SYN1: variants seen among roughly 807,000 people sequenced by gnomAD.
SYN1 encodes synapsin-1.
In SYN1, 8 loss-of-function variants were observed where a neutral mutation model predicts 44.6. The observed-to-expected ratio is 0.18, with a 90% CI of 0.11 to 0.32. The LOEUF (loss-of-function observed/expected upper bound fraction) is 0.32, where lower values mean the gene tolerates loss of function less well. Among genes scored for constraint, SYN1 ranks in the 10% least tolerant of loss-of-function variants. The pLI is 1.00. For synonymous variants in SYN1, 275 were observed against 280.1 expected (o/e 0.98, Z 0.18); for missense variants, 451 against 639.4 (o/e 0.71, Z 3.18).
chrX:47,579,637 C>T (rs1312063254), intron 5 of SYN1, among the ~76,000 whole-genome samples: 1 of 110,944 alleles, frequency 9.0e-6, no homozygotes, highest in Non-Finnish European at 1.9e-5. Flanking sequence ...CTCATGTAAA[C>T]AGTCGGCAAC....
At chrX:47,586,301 C>T in intron 5 of SYN1, 3 of 754,609 alleles carry the variant, frequency 4.0e-6, no homozygotes, top group Non-Finnish European at 4.7e-6. Context: ...GGGCCTATTC[C>T]CCAGCCACCA....
At chrX:47,586,139 T>C (rs940915834) in intron 5 of SYN1, 6 of 942,825 alleles carry the variant, frequency 6.4e-6, no homozygotes, top group Non-Finnish European at 6.6e-6. Context: ...TGGCTCCTGA[T>C]GGCCTCTGAG....
chrX:47,607,908 T>C (rs1415474486), intron 1 of SYN1, among the ~76,000 whole-genome samples: 1 of 110,945 alleles, frequency 9.0e-6, no homozygotes, highest in Non-Finnish European at 1.9e-5. Context: ...TGCATGCCTG[T>C]ATTCCCAGCT....
chrX:47,609,984 T>A (rs1443640899), intron 1 of SYN1, among the ~76,000 whole-genome samples: 1 of 111,627 alleles, frequency 9.0e-6, no homozygotes, highest in African/African-American at 3.3e-5. Flanking sequence ...TTGAGTGATG[T>A]CAGGGAAATG....
chrX:47,613,512 C>A (rs774435639), intron 1 of SYN1, among the ~76,000 whole-genome samples: 1 of 111,450 alleles, frequency 9.0e-6, no homozygotes, highest in Admixed American at 9.6e-5. Context: ...GAACAGTAAT[C>A]GATTTTGACT....
intron 1 of SYN1, among the ~76,000 whole-genome samples, chrX:47,608,250 G>A (rs1245964450): frequency 3.0e-4 from 2 of 6,640 alleles, no homozygotes; most frequent in African/African-American, 9.5e-4. Context: ...AAGGAAGGAA[G>A]GAAGGAAGGA....
chrX:47,612,133 G>A (rs1603074979), intron 1 of SYN1, among the ~76,000 whole-genome samples: 1 of 111,473 alleles, frequency 9.0e-6, no homozygotes, highest in East Asian at 2.8e-4. Context: ...TGTCAGTAGT[G>A]GGGAAAGATG....
rs199747296 is a variant in SYN1, at chrX:47,597,349, A to AG, written c.774+7628_774+7629insC. Among the ~76,000 whole-genome samples, 337 of 110,139 alleles carry AG rather than the reference A, an allele frequency of 3.1e-3. 2 individuals are homozygous for AG. The highest frequency in any genetic ancestry group is 0.01 in the African/African-American group (315 of 30,053). On this transcript the variant is annotated intron_variant, in intron 5 of 12. Coordinates refer to ENST00000295987, the MANE Select transcript of SYN1 (RefSeq NM_006950.3). ...AAACTCCATCTCAAAAAAAAAAAAA[A>AG]AAAGAAATTCTGGAGATAAAAAGCA...
chrX:47,602,200 G>T lies in SYN1; in HGVS notation c.774+2778C>A, dbSNP rs1329568660. On this transcript the variant is annotated intron_variant, in intron 5 of 12. Transcript: ENST00000295987. Reference sequence around the variant, plus strand: ...GCAGATGAATAAACTGAGGTACAGGGCGTTTAAGTAACTTTTCCTGTGTTA... The same window carrying T: ...GCAGATGAATAAACTGAGGTACAGGTCGTTTAAGTAACTTTTCCTGTGTTA... 4.5e-5 allele frequency among the ~76,000 whole-genome samples: 5 copies of T among 112,084 alleles called. No individual in the cohort carries two copies. In the Admixed American group the frequency reaches 4.7e-4, roughly 11 times the overall value.
intron 1 of SYN1, 77 bp downstream of exon 1, chrX:47,619,275 C>G: frequency 8.5e-7 from 1 of 1,175,771 alleles, no homozygotes; most frequent in Non-Finnish European, 1.1e-6. Flanking sequence ...ACACAAGCGG[C>G]GCTCGATAAT....
intron 9 of SYN1, among the ~76,000 whole-genome samples, 172 bp downstream of exon 9, chrX:47,575,959 T>C (rs2057776195): frequency 8.9e-6 from 1 of 112,214 alleles, no homozygotes; most frequent in African/African-American, 3.2e-5. Context: ...TTCAGTCTAG[T>C]GTTCTGCCAT....
At chrX:47,612,683 A>G (rs1354579028) in intron 1 of SYN1, among the ~76,000 whole-genome samples, 1 of 112,191 alleles carries the variant, frequency 8.9e-6, no homozygotes, top group African/African-American at 3.2e-5. Context: ...GTGCAGAAAG[A>G]GAAGTGCCTC....
At chrX:47,585,351 C>T (rs776391392) in intron 5 of SYN1, 34 of 1,211,129 alleles carry the variant, frequency 2.8e-5, no homozygotes, top group Non-Finnish European at 3.8e-5. Context: ...CGTCCCCGCG[C>T]CCTGTGCCAC....
At chrX:47,573,084 C>T in intron 12 of SYN1, 85 bp from the exon 13 acceptor site, 2 of 1,103,783 alleles carry the variant, frequency 1.8e-6, no homozygotes, top group Non-Finnish European at 2.5e-6. Flanking sequence ...TACCCCAGGC[C>T]CAGCCCCAGC....
chrX:47,575,283 A>T lies in SYN1; in HGVS notation c.1159-9T>A, dbSNP rs1357210529. 4 of 1,209,590 alleles carry T rather than the reference A, an allele frequency of 3.3e-6. No individual in the cohort carries two copies. The highest frequency in any genetic ancestry group is 1.8e-5 in the South Asian group (1 of 56,439). On this transcript the variant is annotated splice_polypyrimidine_tract_variant and intron_variant, in intron 9 of 12. Transcript: ENST00000295987. ...ATGGAGGAACCCACCACCTGGGGGA[A>T]GGAAAGGATCCGTGAGGGGAGAGGC...
At chrX:47,592,148 C>T (rs922265326) in intron 5 of SYN1, among the ~76,000 whole-genome samples, 14 of 110,957 alleles carry the variant, frequency 1.3e-4, no homozygotes, top group Admixed American at 3.9e-4. Flanking sequence ...TGAGACCAAC[C>T]TAGGCAACAT....
chrX:47,578,118 G>A (rs776659885), intron 5 of SYN1, among the ~76,000 whole-genome samples: 5 of 110,779 alleles, frequency 4.5e-5, no homozygotes, highest in East Asian at 5.7e-4. Flanking sequence ...TGCCCATAGC[G>A]TGGGTCAGCA....
chrX:47,595,675 T>G (rs1354619113), intron 5 of SYN1, among the ~76,000 whole-genome samples: 1 of 111,953 alleles, frequency 8.9e-6, no homozygotes, highest in African/African-American at 3.2e-5. Context: ...AAATGAAATG[T>G]CCTAGCTGTG....
chrX:47,592,077 T>C (rs5953061), intron 5 of SYN1, among the ~76,000 whole-genome samples: 34,057 of 111,244 alleles, frequency 0.31, 3,761 homozygotes, highest in East Asian at 0.41. Context: ...TGGCGGCTCA[T>C]GCCTATAATC....
Sources: allele counts gnomAD v4.1 joint callset (sites outside exome capture counted in the v4.1 genomes callset), GRCh38; gene constraint gnomAD v4.1.1; transcripts MANE v1.5; gene names NCBI Gene and HGNC (gene_info 2026-07-23, HGNC 2026-07-21).